Variants in BSN observed in about 807,000 individuals in gnomAD.
BSN encodes the protein protein bassoon.
A neutral mutation model predicts 264.8 loss-of-function variants in BSN; 57 were observed. The ratio of observed to expected loss-of-function variants is 0.22; its 90% CI spans 0.17 to 0.27. The LOEUF is 0.27. Ranked by LOEUF, BSN falls within the 10% of genes least tolerant of loss-of-function variation. The pLI, the probability that BSN is intolerant of heterozygous loss-of-function variation, is 1.00. For missense variants in BSN, 4,615 were observed against 5,232.5 expected, an observed-to-expected ratio of 0.88 and a Z score of 3.64; for synonymous variants, 2,059 against 2,137.3, an observed-to-expected ratio of 0.96 and a Z score of 1.01.
chr3:49,670,919 G>A lies in BSN; in HGVS notation c.*3434G>A, dbSNP rs1479948383. 4 of 152,356 alleles carry A rather than the reference G, an allele frequency of 2.6e-5. No individual in the cohort carries two copies. The highest frequency in any genetic ancestry group is 4.4e-5 in the Non-Finnish European group (3 of 68,064). The allele number at this position is 152,356 out of a possible 1,614,324, so 9.4% of individuals were successfully genotyped here. On this transcript the variant is annotated 3_prime_UTR_variant, in exon 12 of 12. Coordinates refer to ENST00000296452, the MANE Select transcript of BSN (RefSeq NM_003458.4). ...CAGGACAGCATGGTCCTGCCCTGTT[G>A]TCCCGTCTGCTCTCCTCTTACCCAC...
At chr3:49,574,247 C>T (rs2051823466) in intron 1 of BSN, among the ~76,000 whole-genome samples, 1 of 149,190 alleles carries the variant, frequency 6.7e-6, no homozygotes, top group South Asian at 2.1e-4. Context: ...GGATTATAGG[C>T]GTGAGCCACT....
chr3:49,566,637 T>A (rs1191356923), intron 1 of BSN, among the ~76,000 whole-genome samples: 2 of 151,932 alleles, frequency 1.3e-5, no homozygotes, highest in East Asian at 3.9e-4. Context: ...TACAAAAAAA[T>A]TAGCCAGGCA....
Position 49,655,313 on chromosome 3 carries a change from G to C in BSN, c.5757G>C (p.Pro1919=), listed in dbSNP as rs762841988. 9 of 1,610,744 alleles carry C rather than the reference G, an allele frequency of 5.6e-6. No individual in the cohort carries two copies. Among genetic ancestry groups the C allele is most frequent in the Non-Finnish European group, 6.8e-6 (8 of 1,178,882 alleles). ...GCAGCTGCACTGGCACCTTCCACCC[G>C]GCCCCCAGTGTGCCTGAGAAGAGCA... The part of the protein sequence containing the change: ...FGSSCTGTFH[P]APSVPEKSMA... The change falls in exon 5 of 12, where the codon CCG becomes CCC. Residue 1919 remains proline (P), a synonymous_variant. Transcript: ENST00000296452.
rs1175386253 is a variant in BSN, at chr3:49,643,056, G to A, written c.1422G>A (p.Val474=). Residue 474 remains valine, a synonymous_variant, in exon 3 of 12, where the codon GTG becomes GTA. Transcript: ENST00000296452. ...ICPLCQAELN[V]GSKSPANYNT... is the part of the protein sequence containing the mutation. ...CACTGTGCCAAGCCGAGCTCAACGTGGGCAGCAAGAGCCCAGCCAACTATA... is the reference window on the plus strand; with the variant it reads ...CACTGTGCCAAGCCGAGCTCAACGTAGGCAGCAAGAGCCCAGCCAACTATA... 1 of 1,614,056 alleles carries A rather than the reference G, an allele frequency of 6.2e-7. No individual in the cohort carries two copies. Among genetic ancestry groups the A allele is most frequent in the Non-Finnish European group, 8.5e-7 (1 of 1,180,032 alleles).
intron 1 of BSN, among the ~76,000 whole-genome samples, chr3:49,608,911 G>A (rs2052180874): frequency 6.6e-6 from 1 of 151,806 alleles, no homozygotes; most frequent in Non-Finnish European, 1.5e-5. Flanking sequence ...GCTTCATGCT[G>A]CATGCAGGTG....
At chr3:49,610,776 A>T (rs2052200461) in intron 1 of BSN, among the ~76,000 whole-genome samples, 1 of 152,140 alleles carries the variant, frequency 6.6e-6, no homozygotes, top group African/African-American at 2.4e-5. Context: ...TGGAAGTCTC[A>T]AACAGGAGGC....
chr3:49,657,964 C>T lies in BSN; in HGVS notation c.8408C>T (p.Pro2803Leu), dbSNP rs1171101008. The T allele has an allele frequency of 6.2e-7, 1 of 1,611,742 alleles. No individual in the cohort carries two copies. Among genetic ancestry groups the T allele is most frequent in the South Asian group, 1.1e-5 (1 of 90,958 alleles). The change falls in exon 5 of 12, where the codon CCT becomes CTT. Residue 2803 changes from proline (P) to leucine (L), a missense_variant. Around this residue, in one of 3 missense-constraint regions of BSN, gnomAD observed 3,415 missense variants for 3,866.4 expected, o/e 0.88. Coordinates refer to ENST00000296452, the MANE Select transcript of BSN (RefSeq NM_003458.4). ...TACTCACCAGTCTCACCCCTGTCCC[C>T]TCACCGGCTCCTGGACACCTCCTTT... ...VLYSPVSPLSPHRLLDTSFAS... is the reference protein window; with the variant it reads ...VLYSPVSPLSLHRLLDTSFAS...
intron 5 of BSN, among the ~76,000 whole-genome samples, chr3:49,659,824 G>A (rs1410533978): frequency 6.6e-6 from 1 of 152,186 alleles, no homozygotes; most frequent in African/African-American, 2.4e-5. Context: ...GACATGGAGG[G>A]AGCTGGGGAC....
intron 2 of BSN, among the ~76,000 whole-genome samples, chr3:49,628,510 G>A (rs144312208): frequency 1.2e-4 from 19 of 152,304 alleles, no homozygotes; most frequent in Non-Finnish European, 2.4e-4. Flanking sequence ...TCTGGCCAGC[G>A]GACCCAAGTT....
At position 49,638,344 on chromosome 3, in the gene BSN, C is replaced by T. The variant is rs1006714996; in HGVS notation, c.634-3924C>T. Among the ~76,000 whole-genome samples, 1 of 152,228 alleles carries T rather than the reference C, an allele frequency of 6.6e-6. No homozygotes were observed. The highest frequency in any genetic ancestry group is 2.4e-5 in the African/African-American group (1 of 41,470). On this transcript the variant is annotated intron_variant, in intron 2 of 11. Coordinates refer to ENST00000296452, the MANE Select transcript of BSN (RefSeq NM_003458.4). The surrounding 1 kb of genome is among the most constrained non-coding windows in gnomAD (Gnocchi z 4.3). Reference sequence around the variant, plus strand: ...GTTGGGGTGCACAGCCATCATCTCTCTCCCTACCCCGTGGACAGCCTCCAT... The same window carrying T: ...GTTGGGGTGCACAGCCATCATCTCTTTCCCTACCCCGTGGACAGCCTCCAT...
At chr3:49,588,023 G>A (rs536872766) in intron 1 of BSN, among the ~76,000 whole-genome samples, 4 of 151,588 alleles carry the variant, frequency 2.6e-5, no homozygotes, top group Admixed American at 6.6e-5. Context: ...CTGGGCTCAA[G>A]CGATTCTTCT....
At chr3:49,598,500 GT>G (rs1418132652) in intron 1 of BSN, among the ~76,000 whole-genome samples, 4 of 152,202 alleles carry the variant, frequency 2.6e-5, no homozygotes, top group Non-Finnish European at 5.9e-5. Flanking sequence ...TCTTTGACCA[GT>G]CAGATTTTTG....
chr3:49,588,386 G>A (rs546925136), intron 1 of BSN, among the ~76,000 whole-genome samples: 2 of 152,148 alleles, frequency 1.3e-5, no homozygotes, highest in South Asian at 4.2e-4. Flanking sequence ...ATTTTTCCCC[G>A]TTCAGTATGA....
intron 2 of BSN, among the ~76,000 whole-genome samples, chr3:49,639,325 A>G (rs2052443477): frequency 6.6e-6 from 1 of 150,974 alleles, no homozygotes; most frequent in South Asian, 2.1e-4. Flanking sequence ...CAGCCTCCCA[A>G]GTAGCTGGGA....
chr3:49,602,706 A>C (rs1575434206), intron 1 of BSN, among the ~76,000 whole-genome samples: 1 of 152,202 alleles, frequency 6.6e-6, no homozygotes, highest in South Asian at 2.1e-4. Context: ...TGGCCTCCCA[A>C]AGTGCTGGGA....
At position 49,655,149 on chromosome 3, in the gene BSN, G is replaced by A. The variant is rs775706924; in HGVS notation, c.5593G>A (p.Val1865Met). The A allele has an allele frequency of 8.7e-6, 14 of 1,612,676 alleles. No homozygotes were observed. The highest frequency in any genetic ancestry group is 1.2e-5 in the Non-Finnish European group (14 of 1,179,794). Reference protein sequence around the residue: ...PGARKPHTVVVQMGEGTAGTV... With the variant: ...PGARKPHTVVMQMGEGTAGTV... ...TGCCAGGAAGCCACACACAGTGGTG[G>A]TGCAGATGGGAGAGGGCACAGCAGG... Residue 1865 changes from valine to methionine, a missense_variant, in exon 5 of 12, where the codon GTG (valine) becomes ATG (methionine). Around this residue, in one of 3 missense-constraint regions of BSN, gnomAD observed 3,415 missense variants for 3,866.4 expected, o/e 0.88. Coordinates refer to ENST00000296452, the MANE Select transcript of BSN (RefSeq NM_003458.4).
At chr3:49,557,333 A>AG (rs2051681049) in intron 1 of BSN, among the ~76,000 whole-genome samples, 2 of 152,156 alleles carry the variant, frequency 1.3e-5, no homozygotes, top group African/African-American at 2.4e-5. Context: ...ATCCTCTTAG[A>AG]TGAAGGGGCA....
At position 49,642,499 on chromosome 3, in the gene BSN, G is replaced by T; in HGVS notation, c.865G>T (p.Gly289Trp). Residue 289 changes from glycine (G) to tryptophan (W), a missense_variant, in exon 3 of 12, where the codon GGG becomes TGG. Gly to Trp is a radical substitution (Grantham distance 184). Coordinates refer to ENST00000296452, the MANE Select transcript of BSN (RefSeq NM_003458.4). The surrounding 1 kb of genome is among the most constrained non-coding windows in gnomAD (Gnocchi z 7.0). The stretch of plus-strand genomic sequence containing the variant: ...GACAGCCAGGGCCACCTCAGTGCCG[G>T]GGCCTGCCCAAGCAGCTGCCCCTCC... ...AETARATSVPGPAQAAAPPEV... is the reference protein window; with the variant it reads ...AETARATSVPWPAQAAAPPEV... 1.3e-6 allele frequency: 2 copies of T among 1,568,562 alleles called. No homozygotes were observed. Among genetic ancestry groups the T allele is most frequent in the Non-Finnish European group, 1.7e-6 (2 of 1,158,000 alleles).
At chr3:49,665,149 C>G (rs2052703089) in intron 10 of BSN, 80 bp from the exon 11 acceptor site, 2 of 313,372 alleles carry the variant, frequency 6.4e-6, no homozygotes, top group Admixed American at 4.8e-5. Flanking sequence ...AGGGCTCTCA[C>G]AGCACTGGGC....
Sources: gnomAD v4.1 joint callset for allele counts (sites outside exome capture counted in the v4.1 genomes callset) on GRCh38, gnomAD v4.1.1 for gene constraint, gnomAD v4.1.1 regional missense constraint, Gnocchi (gnomAD v3.1) non-coding constraint, MANE v1.5 for transcripts, NCBI Gene and HGNC (gene_info 2026-07-23, HGNC 2026-07-21) for gene names.